MSANTD2: variants seen among roughly 807,000 people sequenced by gnomAD.
MSANTD2 encodes myb/SANT-like DNA-binding domain-containing protein 2.
Under a neutral mutation model 52.6 loss-of-function variants are expected in MSANTD2, and 19 were observed. The ratio of observed to expected loss-of-function variants is 0.36; its 90% CI spans 0.25 to 0.53. The LOEUF (loss-of-function observed/expected upper bound fraction) is 0.53. Ranked by LOEUF, MSANTD2 falls within the 20% of genes least tolerant of loss-of-function variation. The pLI is 0.91. For synonymous variants in MSANTD2, 291 were observed against 289.7 expected (o/e 1.00, Z -0.04); for missense variants, 558 against 716.3 (o/e 0.78, Z 2.52).
chr11:124,783,815 A>C (rs1241225658), intron 1 of MSANTD2: 3 of 985,304 alleles, frequency 3.0e-6, no homozygotes, highest in Non-Finnish European at 3.6e-6. Flanking sequence ...GTTAAAAACA[A>C]ACATCTTCCA....
chr11:124,799,821 C>T, intron 1 of MSANTD2, 50 bp downstream of exon 1: 2 of 1,438,616 alleles, frequency 1.4e-6, no homozygotes, highest in Middle Eastern at 2.4e-4. Context: ...CCCGCTTCCC[C>T]GCCTTCTCTC....
chr11:124,786,094 T>C (rs1565462724), intron 1 of MSANTD2, among the ~76,000 whole-genome samples: 1 of 131,968 alleles, frequency 7.6e-6, no homozygotes, highest in Non-Finnish European at 1.6e-5. Flanking sequence ...CATCATTTCT[T>C]CTTTTTTTTT....
intron 3 of MSANTD2, among the ~76,000 whole-genome samples, chr11:124,768,449 C>T (rs1252690965): frequency 1.3e-5 from 2 of 152,134 alleles, no homozygotes; most frequent in Non-Finnish European, 2.9e-5. Flanking sequence ...GACCTACCTA[C>T]CTACCAAAAT....
chr11:124,790,140 A>G (rs907867719), intron 1 of MSANTD2: 1 of 152,252 alleles, frequency 6.6e-6, no homozygotes, highest in Non-Finnish European at 1.5e-5. Context: ...ATCTAGCTAC[A>G]TGACACTTAA....
chr11:124,776,711 G>A (rs1944759417), intron 1 of MSANTD2, among the ~76,000 whole-genome samples: 1 of 152,144 alleles, frequency 6.6e-6, no homozygotes, highest in Non-Finnish European at 1.5e-5. Context: ...AATAATAAAA[G>A]CACGACATGT....
chr11:124,777,902 GA>G (rs11367972), intron 1 of MSANTD2, among the ~76,000 whole-genome samples: 49,709 of 151,156 alleles, frequency 0.33, 12,437 homozygotes, highest in African/African-American at 0.71. Flanking sequence ...CATCAACTAA[GA>G]AAAAAAAAGA....
At chr11:124,782,153 C>T (rs1295573898) in intron 1 of MSANTD2, among the ~76,000 whole-genome samples, 3 of 152,118 alleles carry the variant, frequency 2.0e-5, no homozygotes, top group Non-Finnish European at 4.4e-5. Flanking sequence ...GCTCCATCTT[C>T]TAAACATTAT....
At chr11:124,769,139 T>C (rs771718774) in intron 3 of MSANTD2, among the ~76,000 whole-genome samples, 1 of 152,198 alleles carries the variant, frequency 6.6e-6, no homozygotes, top group Non-Finnish European at 1.5e-5. Context: ...CCTTGAGACT[T>C]TTCCTGCTAC....
At chr11:124,781,415 A>G (rs1462735835) in intron 1 of MSANTD2, among the ~76,000 whole-genome samples, 1 of 152,216 alleles carries the variant, frequency 6.6e-6, no homozygotes, top group Non-Finnish European at 1.5e-5. Flanking sequence ...TACCTCAAGT[A>G]ACAACTTAAA....
intron 1 of MSANTD2, 104 bp from the exon 2 acceptor site, chr11:124,775,078 T>C (rs1944687220): frequency 2.0e-6 from 2 of 996,360 alleles, no homozygotes; most frequent in Non-Finnish European, 2.8e-6. Context: ...CAGACAAACA[T>C]AGACACATTG....
chr11:124,781,049 G>C (rs910477789), intron 1 of MSANTD2, among the ~76,000 whole-genome samples: 2 of 152,208 alleles, frequency 1.3e-5, no homozygotes, highest in East Asian at 3.9e-4. Context: ...CAGGCGTGGT[G>C]GTGGGCACCT....
intron 3 of MSANTD2, among the ~76,000 whole-genome samples, chr11:124,768,327 T>A (rs960220330): frequency 5.3e-5 from 8 of 152,244 alleles, no homozygotes; most frequent in Non-Finnish European, 8.8e-5. Flanking sequence ...CTGCTTTCCA[T>A]GACTTCTACA....
chr11:124,793,594 G>A (rs1034445507), intron 1 of MSANTD2, among the ~76,000 whole-genome samples: 1 of 152,178 alleles, frequency 6.6e-6, no homozygotes, highest in Admixed American at 6.5e-5. Context: ...TTGCAGTCAC[G>A]CTAGCCACAT....
chr11:124,787,080 T>C (rs1040274631), intron 1 of MSANTD2, among the ~76,000 whole-genome samples: 1 of 152,180 alleles, frequency 6.6e-6, no homozygotes, highest in Non-Finnish European at 1.5e-5. Context: ...AAACAGCATT[T>C]AAAAGTGTCT....
chr11:124,775,243 C>A, intron 1 of MSANTD2: 1 of 296,736 alleles, frequency 3.4e-6, no homozygotes, highest in Non-Finnish European at 6.3e-6. Context: ...GTACCCCATA[C>A]ACATATTTTT....
chr11:124,777,350 G>A (rs1419139611), intron 1 of MSANTD2, among the ~76,000 whole-genome samples: 1 of 152,186 alleles, frequency 6.6e-6, no homozygotes, highest in Non-Finnish European at 1.5e-5. Flanking sequence ...GTTGCTGACG[G>A]TTATTTCGGA....
At position 124,767,921 on chromosome 11, in the gene MSANTD2, T is replaced by A; in HGVS notation, c.935A>T (p.Lys312Ile). Residue 312 changes from lysine (K) to isoleucine (I), a missense_variant, in exon 4 of 4, where the codon AAA becomes ATA. Physicochemically the swap from Lys to Ile is moderately radical, Grantham distance 102. Transcript: ENST00000374979. This position sits in a 1 kb window ranked among gnomAD's most constrained non-coding sequence, Gnocchi z 6.5. ...ATAACCAATTCCAAAAATGGCCAGT[T>A]TATTAGAAAGATGGAGCCTTGAAAA... is the stretch of plus-strand genomic sequence containing the variant. ...TDFSRLHLSN[K>I]LAIFGIGYNT... The A allele has an allele frequency of 6.2e-7, 1 of 1,614,222 alleles. No individual in the cohort carries two copies. Among genetic ancestry groups the A allele is most frequent in the Non-Finnish European group, 8.5e-7 (1 of 1,180,038 alleles).
chr11:124,771,373 TGGAATCA>T (rs1944514333), intron 3 of MSANTD2, among the ~76,000 whole-genome samples: 1 of 152,226 alleles, frequency 6.6e-6, no homozygotes, highest in Non-Finnish European at 1.5e-5. Flanking sequence ...TTTCCAGACA[TGGAATCA>T]GATGACAATG....
At chr11:124,772,940 T>G (rs1283625646) in intron 3 of MSANTD2, 54 bp downstream of exon 3, 1 of 1,093,260 alleles carries the variant, frequency 9.1e-7, no homozygotes, top group African/African-American at 1.5e-5. Flanking sequence ...ATCTTCCCAA[T>G]GGTCATTAAA....
Sources: allele counts gnomAD v4.1 joint callset (sites outside exome capture counted in the v4.1 genomes callset), GRCh38; gene constraint gnomAD v4.1.1; non-coding constraint Gnocchi (gnomAD v3.1); transcripts MANE v1.5; gene names NCBI Gene and HGNC (gene_info 2026-07-23, HGNC 2026-07-21).